CAMK4: variants seen among roughly 807,000 people sequenced by gnomAD.
The protein encoded by CAMK4 is calcium/calmodulin-dependent protein kinase type IV.
CAMK4 carries 22 observed loss-of-function variants against 44.9 expected under a neutral mutation model. The ratio of observed to expected loss-of-function variants is 0.49; its 90% confidence interval spans 0.35 to 0.70. The LOEUF is 0.70. CAMK4 is among the 30% of genes least tolerant of loss of function. The probability of loss-of-function intolerance (pLI) is 0.01; values close to 1 mark genes in which losing one functional copy is unlikely to be tolerated. For synonymous variants in CAMK4, 218 were observed against 215.4 expected (o/e 1.01, Z -0.11); for missense variants, 498 against 586.8 (o/e 0.85, Z 1.56).
chr5:111,247,809 GT>G (rs1749307588), intron 1 of CAMK4, among the ~76,000 whole-genome samples: 1 of 152,082 alleles, frequency 6.6e-6, no homozygotes, highest in Non-Finnish European at 1.5e-5. Context: ...CAAGACTAGT[GT>G]TTTAATTGAA....
At chr5:111,279,226 T>C (rs1317520196) in intron 1 of CAMK4, among the ~76,000 whole-genome samples, 4 of 152,170 alleles carry the variant, frequency 2.6e-5, no homozygotes, top group African/African-American at 9.7e-5. Flanking sequence ...ATGATGAATA[T>C]TACTGGAGGA....
At chr5:111,243,755 G>T (rs1270124261) in intron 1 of CAMK4, among the ~76,000 whole-genome samples, 1 of 152,180 alleles carries the variant, frequency 6.6e-6, no homozygotes, top group East Asian at 1.9e-4. Context: ...GTTCTTTCCT[G>T]TGTTTACAAA....
chr5:111,313,504 T>A (rs1748297167), intron 1 of CAMK4, among the ~76,000 whole-genome samples: 1 of 152,102 alleles, frequency 6.6e-6, no homozygotes, highest in African/African-American at 2.4e-5. Flanking sequence ...GCAGGGTGAC[T>A]AAGAACATAA....
At chr5:111,443,470 T>G (rs997230377) in intron 5 of CAMK4, among the ~76,000 whole-genome samples, 1 of 151,122 alleles carries the variant, frequency 6.6e-6, no homozygotes, top group Non-Finnish European at 1.5e-5. Flanking sequence ...CCTTTAGCAT[T>G]TAATTGCTTT....
intron 1 of CAMK4, among the ~76,000 whole-genome samples, chr5:111,287,806 AC>A (rs1751300766): frequency 2.0e-5 from 3 of 152,168 alleles, no homozygotes; most frequent in Admixed American, 2.0e-4. Context: ...TATTGCAAAA[AC>A]CCCATAGCTA....
chr5:111,276,285 C>T (rs536766934), intron 1 of CAMK4, among the ~76,000 whole-genome samples: 4 of 152,248 alleles, frequency 2.6e-5, no homozygotes, highest in South Asian at 4.1e-4. Flanking sequence ...TTGGAGCACA[C>T]TGGTATTCAA....
At position 111,335,172 on chromosome 5, in the gene CAMK4, C is replaced by T. The variant is rs1460208590; in HGVS notation, c.162-8852C>T. ...AGACTTGATGGCAAGGGAAGTCAAA[C>T]TTTAATGCTTCCCTCAAATAATCAC... On this transcript the variant is annotated intron_variant, in intron 1 of 10. Transcript: ENST00000282356. 5.3e-5 allele frequency among the ~76,000 whole-genome samples: 8 copies of T among 151,512 alleles called. No homozygotes were observed. In the East Asian group the frequency reaches 7.8e-4, roughly 15 times the overall value.
At chr5:111,439,979 G>T (rs1363405793) in intron 5 of CAMK4, among the ~76,000 whole-genome samples, 1 of 152,072 alleles carries the variant, frequency 6.6e-6, no homozygotes, top group Non-Finnish European at 1.5e-5. Context: ...GTGTGTTAAA[G>T]AAACAAAAAT....
chr5:111,238,689 A>G (rs541229162), intron 1 of CAMK4, among the ~76,000 whole-genome samples: 2 of 148,812 alleles, frequency 1.3e-5, no homozygotes, highest in African/African-American at 5.0e-5. Context: ...CTTCTTTCTC[A>G]GATGCCTGAC....
Position 111,318,234 on chromosome 5 carries a change from A to G in CAMK4, c.162-25790A>G, listed in dbSNP as rs73232018. ...TGAAAAAGGTGATCAGAATTTCCAT[A>G]TTTGGATTTAAAGTTGGCAAAGTGT... On this transcript the variant is annotated intron_variant, in intron 1 of 10. Transcript: ENST00000282356. Among the ~76,000 whole-genome samples the G allele has an allele frequency of 1.3e-3, 203 of 152,284 alleles. 2 individuals carry two copies. The highest frequency in any genetic ancestry group is 4.6e-3 in the African/African-American group (190 of 41,566).
Position 111,367,207 on chromosome 5 carries a change from A to T in CAMK4, c.241-7643A>T, listed in dbSNP as rs1470377896. On this transcript the variant is annotated intron_variant, in intron 2 of 10. Coordinates refer to ENST00000282356, the MANE Select transcript of CAMK4 (RefSeq NM_001744.6). ...TGACTCATAGTTCTGGAAGGGGGTC[A>T]TCCCATGGCAGATGGGCAGGATCCT... is the stretch of plus-strand genomic sequence containing the variant. 2.0e-5 allele frequency among the ~76,000 whole-genome samples: 3 copies of T among 150,860 alleles called. No homozygotes were observed. The Admixed American group carries it at 2.0e-4, about 10-fold the overall frequency.
Position 111,492,894 on chromosome 5 carries a change from C to A in CAMK4, c.*8428C>A, listed in dbSNP as rs1178008638. 6.6e-6 allele frequency: 1 copy of A among 152,160 alleles called. No individual in the cohort carries two copies. The highest frequency in any genetic ancestry group is 1.9e-4 in the East Asian group (1 of 5,186). 9.4% of individuals were successfully genotyped at this position (152,160 alleles called of 1,614,324 possible). A position where few individuals can be genotyped will look rare whatever the true frequency, so the allele number is the denominator to read the frequency against. ...CCCTAGGAATGGAAAGAGGGAAAAG[C>A]TCCCTTTTGCCAGGAATGATGAAGG... is the stretch of plus-strand genomic sequence containing the variant. On this transcript the variant is annotated 3_prime_UTR_variant, in exon 11 of 11. Transcript: ENST00000282356.
At chr5:111,448,602 G>A (rs901825401) in intron 6 of CAMK4, among the ~76,000 whole-genome samples, 2 of 152,132 alleles carry the variant, frequency 1.3e-5, no homozygotes, top group South Asian at 2.1e-4. Context: ...TCAGGAGATC[G>A]AGACCATCCT....
At chr5:111,396,252 G>C (rs74938790) in intron 5 of CAMK4, among the ~76,000 whole-genome samples, 1,702 of 152,218 alleles carry the variant, frequency 0.011, 34 homozygotes, top group African/African-American at 0.039. Context: ...CCCCATAAAA[G>C]TGTTTTGATC....
chr5:111,391,275 G>A (rs1340506270), intron 4 of CAMK4, among the ~76,000 whole-genome samples: 1 of 152,066 alleles, frequency 6.6e-6, no homozygotes, highest in Non-Finnish European at 1.5e-5. Flanking sequence ...ATTTTTGAAC[G>A]CTTCATGAAC....
rs540495109 is a variant in CAMK4 at position 111,396,631 on chromosome 5, C to CTTT, written c.459+1874_459+1876dup. Among the ~76,000 whole-genome samples, 249 of 47,004 alleles carry CTTT rather than the reference C, an allele frequency of 5.3e-3. 72 individuals carry two copies. The highest frequency in any genetic ancestry group is 0.019 in the African/African-American group (219 of 11,434). 30.8% of individuals were successfully genotyped at this position (47,004 alleles called of 152,430 possible). A position where few individuals can be genotyped will look rare whatever the true frequency, so the allele number is the denominator to read the frequency against. ...ACTTTAATTGCCATTAACTCATATTCTTTTTTTTTTTTTTTTTTTTTTTTT... is the reference window on the plus strand; with the variant it reads ...ACTTTAATTGCCATTAACTCATATTCTTTTTTTTTTTTTTTTTTTTTTTTTTTT... On this transcript the variant is annotated intron_variant, in intron 5 of 10. Coordinates refer to ENST00000282356, the MANE Select transcript of CAMK4 (RefSeq NM_001744.6).
intron 1 of CAMK4, among the ~76,000 whole-genome samples, chr5:111,260,265 A>C (rs371853455): frequency 6.6e-6 from 1 of 152,134 alleles, no homozygotes; most frequent in Non-Finnish European, 1.5e-5. Context: ...ATATTGGCCA[A>C]ATTCAACAGA....
intron 4 of CAMK4, among the ~76,000 whole-genome samples, chr5:111,386,183 T>A (rs995293559): frequency 6.6e-6 from 1 of 152,206 alleles, no homozygotes; most frequent in African/African-American, 2.4e-5. Context: ...AATGAGAAGC[T>A]GTGATTGAAA....
At chr5:111,409,896 CT>C (rs1752571442) in intron 5 of CAMK4, among the ~76,000 whole-genome samples, 1 of 152,210 alleles carries the variant, frequency 6.6e-6, no homozygotes, top group South Asian at 2.1e-4. Context: ...GTCCATATCA[CT>C]ATCAACATTT....
Sources: gnomAD v4.1 joint callset for allele counts (sites outside exome capture counted in the v4.1 genomes callset) on GRCh38, gnomAD v4.1.1 for gene constraint, MANE v1.5 for transcripts, NCBI Gene and HGNC (gene_info 2026-07-23, HGNC 2026-07-21) for gene names.